ATP8A2: variants seen among roughly 807,000 people sequenced by gnomAD.
The protein encoded by ATP8A2 is ATPase phospholipid transporting 8A2.
Under a neutral mutation model 165.6 loss-of-function variants are expected in ATP8A2, and 100 were observed. The observed-to-expected ratio is 0.60, with a 90% CI of 0.51 to 0.71. ATP8A2 has a LOEUF of 0.71. Among genes scored for constraint, ATP8A2 ranks in the 30% least tolerant of loss-of-function variants. ATP8A2 has a pLI of 0.00. For missense variants in ATP8A2, 1,227 were observed against 1,479.5 expected (o/e 0.83, Z 2.80); for synonymous variants, 543 against 548.8 (o/e 0.99, Z 0.15).
intron 35 of ATP8A2, among the ~76,000 whole-genome samples, chr13:25,982,261 A>G (rs1337879382): frequency 1.3e-5 from 2 of 152,236 alleles, no homozygotes; most frequent in African/African-American, 4.8e-5. Flanking sequence ...TGTCTAAGCT[A>G]TCATCTTTTC....
chr13:25,522,038 T>C (rs190530387), intron 2 of ATP8A2, among the ~76,000 whole-genome samples: 1,840 of 151,126 alleles, frequency 0.012, 16 homozygotes, highest in Non-Finnish European at 0.017. Flanking sequence ...GGGATTATAT[T>C]GAATCTGTCA....
chr13:25,589,024 G>A (rs2039998090), intron 23 of ATP8A2, among the ~76,000 whole-genome samples: 2 of 151,970 alleles, frequency 1.3e-5, no homozygotes, highest in South Asian at 2.1e-4. Context: ...ATACTATCTC[G>A]CTTAACCCAT....
chr13:25,574,623 A>G (rs1233981610), intron 18 of ATP8A2, among the ~76,000 whole-genome samples, 185 bp from the exon 19 acceptor site: 2 of 152,214 alleles, frequency 1.3e-5, no homozygotes, highest in Admixed American at 6.5e-5. Flanking sequence ...AAACGTGAGA[A>G]GCTTCCACCA....
intron 6 of ATP8A2, among the ~76,000 whole-genome samples, 184 bp downstream of exon 6, chr13:25,533,497 C>T (rs1489104527): frequency 2.0e-5 from 3 of 152,214 alleles, no homozygotes; most frequent in African/African-American, 7.2e-5. Flanking sequence ...TGTGTCACTT[C>T]AAGCTATGAA....
At chr13:25,830,479 T>C (rs1951433906) in intron 28 of ATP8A2, among the ~76,000 whole-genome samples, 1 of 151,998 alleles carries the variant, frequency 6.6e-6, no homozygotes, top group African/African-American at 2.4e-5. Flanking sequence ...TGCCAGTGAG[T>C]GCTGGCAGTT....
intron 33 of ATP8A2, among the ~76,000 whole-genome samples, chr13:25,900,677 A>G (rs1953714934): frequency 6.6e-6 from 1 of 152,158 alleles, no homozygotes; most frequent in African/African-American, 2.4e-5. Context: ...GGTTTCTCCA[A>G]GGTCTCCTTG....
intron 18 of ATP8A2, among the ~76,000 whole-genome samples, chr13:25,573,463 A>G (rs1231174140): frequency 6.6e-6 from 1 of 152,216 alleles, no homozygotes; most frequent in Non-Finnish European, 1.5e-5. Context: ...GATAACAGTA[A>G]TAAAAAGAAT....
chr13:25,450,569 T>C lies in ATP8A2; in HGVS notation c.77-18408T>C, dbSNP rs572490951. ...GTGTGTGAGACGGAGTCTCGCTCTG[T>C]CGCCCAGGCTGGAGTGCAGTGGTGT... On this transcript the variant is annotated intron_variant, in intron 1 of 36. Transcript: ENST00000381655. 6.0e-4 allele frequency among the ~76,000 whole-genome samples: 91 copies of C among 152,346 alleles called. No homozygotes were observed. In the Middle Eastern group the frequency reaches 0.01, roughly 17 times the overall value.
At chr13:25,581,632 G>A (rs2039780504) in intron 22 of ATP8A2, among the ~76,000 whole-genome samples, 187 bp from the exon 23 acceptor site, 2 of 152,058 alleles carry the variant, frequency 1.3e-5, no homozygotes, top group South Asian at 4.2e-4. Context: ...TGTGTGTAGA[G>A]TGAGTCCACC....
chr13:25,505,457 TAA>T (rs1383205691), intron 2 of ATP8A2, among the ~76,000 whole-genome samples: 3 of 152,264 alleles, frequency 2.0e-5, no homozygotes, highest in African/African-American at 7.2e-5. Flanking sequence ...TTATACGTGT[TAA>T]AGTCACCTTC....
At chr13:25,932,521 G>A (rs1954794791) in intron 33 of ATP8A2, among the ~76,000 whole-genome samples, 1 of 152,170 alleles carries the variant, frequency 6.6e-6, no homozygotes. Context: ...GTGGTCATTG[G>A]CATCAAAGGC....
At chr13:25,467,636 C>T (rs189755310) in intron 1 of ATP8A2, among the ~76,000 whole-genome samples, 1 of 152,010 alleles carries the variant, frequency 6.6e-6, no homozygotes, top group East Asian at 1.9e-4. Flanking sequence ...CTGCAGGCTC[C>T]GCCCCCCGGG....
chr13:26,011,066 G>A (rs61131324), intron 35 of ATP8A2, among the ~76,000 whole-genome samples: 3,798 of 152,214 alleles, frequency 0.025, 148 homozygotes, highest in African/African-American at 0.08. Flanking sequence ...ATCGGGGGCA[G>A]GGTACATGGG....
At chr13:25,867,561 C>T (rs1952543573) in intron 33 of ATP8A2, among the ~76,000 whole-genome samples, 1 of 152,100 alleles carries the variant, frequency 6.6e-6, no homozygotes, top group Non-Finnish European at 1.5e-5. Context: ...TTGGTTGTCC[C>T]ACATCCATCC....
At chr13:25,747,679 T>C (rs1162863315) in intron 25 of ATP8A2, among the ~76,000 whole-genome samples, 4 of 152,274 alleles carry the variant, frequency 2.6e-5, no homozygotes, top group Admixed American at 1.3e-4. Context: ...AATTTCAGGA[T>C]GTCAGGATGT....
rs956776092 is a variant in ATP8A2, at chr13:25,670,192, G to T, written c.2212-28981G>T. ...TTAGCTTACTTATTATTTTAGTTCA[G>T]GGACCACTTGTTTGAGTGCCCTACT... On this transcript the variant is annotated intron_variant, in intron 24 of 36. Transcript: ENST00000381655. Among the ~76,000 whole-genome samples the T allele has an allele frequency of 2.6e-5, 4 of 152,246 alleles. No homozygotes were observed. The South Asian group carries it at 8.3e-4, about 32-fold the overall frequency.
At chr13:25,868,312 A>G (rs931246099) in intron 33 of ATP8A2, among the ~76,000 whole-genome samples, 4 of 152,306 alleles carry the variant, frequency 2.6e-5, no homozygotes, top group African/African-American at 9.6e-5. Flanking sequence ...TCTTAAGGTT[A>G]CTGGAATTAA....
intron 27 of ATP8A2, among the ~76,000 whole-genome samples, chr13:25,820,222 A>G (rs1951141977): frequency 6.6e-6 from 1 of 152,214 alleles, no homozygotes; most frequent in Admixed American, 6.5e-5. Context: ...GCAGCAGTTA[A>G]AGCAAAGAAG....
intron 27 of ATP8A2, among the ~76,000 whole-genome samples, chr13:25,789,211 G>A (rs931736770): frequency 2.0e-5 from 3 of 152,114 alleles, no homozygotes; most frequent in African/African-American, 7.2e-5. Context: ...TAAAATAATA[G>A]CATATGCAGT....
Sources: gnomAD v4.1 joint callset for allele counts (sites outside exome capture counted in the v4.1 genomes callset) on GRCh38, gnomAD v4.1.1 for gene constraint, MANE v1.5 for transcripts, NCBI Gene and HGNC (gene_info 2026-07-23, HGNC 2026-07-21) for gene names.